The following ANKRD28 variants were observed in gnomAD, a reference collection of about 807,000 sequenced individuals.
The protein encoded by ANKRD28 is ankyrin repeat domain 28, also known as serine/threonine-protein phosphatase 6 regulatory ankyrin repeat subunit A.
In ANKRD28, 44 loss-of-function variants were observed where a neutral mutation model predicts 126.5. The ratio of observed to expected loss-of-function variants is 0.35; its 90% confidence interval spans 0.27 to 0.45. The LOEUF (loss-of-function observed/expected upper bound fraction) is 0.45, where lower values mean the gene tolerates loss of function less well. Ranked by LOEUF, ANKRD28 falls within the 20% of genes least tolerant of loss-of-function variation. The pLI is 1.00. For missense variants in ANKRD28, 1,110 were observed against 1,316.6 expected (o/e 0.84, Z 2.43); for synonymous variants, 442 against 468.5 (o/e 0.94, Z 0.73).
In ANKRD28 at chr3:15,758,316, A is replaced by G. The variant is rs553627544; in HGVS notation, c.281-6496T>C. Among the ~76,000 whole-genome samples the G allele has an allele frequency of 5.3e-5, 8 of 152,308 alleles. No individual in the cohort carries two copies. The South Asian group carries it at 1.7e-3, about 32-fold the overall frequency. ...GGCAAAAGGTTCAGATTCGGTTTTCAGGCTCAGAGTAGAATGAGCAAAAAC... is the reference window on the plus strand; with the variant it reads ...GGCAAAAGGTTCAGATTCGGTTTTCGGGCTCAGAGTAGAATGAGCAAAAAC... On this transcript the variant is annotated intron_variant, in intron 3 of 27. Coordinates refer to ENST00000683139, the MANE Select transcript of ANKRD28 (RefSeq NM_001349278.2).
chr3:15,855,336 AAAAAC>A (rs1186309583), intron 1 of ANKRD28, among the ~76,000 whole-genome samples: 2 of 152,202 alleles, frequency 1.3e-5, no homozygotes, highest in South Asian at 4.1e-4. Flanking sequence ...CCCTGTTTAA[AAAAAC>A]AAAACAAAAC....
At chr3:15,824,927 C>G (rs2061025904) in intron 1 of ANKRD28, among the ~76,000 whole-genome samples, 1 of 152,044 alleles carries the variant, frequency 6.6e-6, no homozygotes, top group South Asian at 2.1e-4. Context: ...CAATCACTAG[C>G]AAAATTTTCA....
chr3:15,676,051 A>G, intron 26 of ANKRD28, 62 bp from the exon 27 acceptor site: 1 of 1,354,358 alleles, frequency 7.4e-7, no homozygotes, highest in Non-Finnish European at 1.0e-6. Context: ...ACACATACAC[A>G]CCTGGCTGTC....
intron 8 of ANKRD28, among the ~76,000 whole-genome samples, chr3:15,718,865 T>G (rs570379028): frequency 1.0e-3 from 153 of 152,348 alleles, no homozygotes; most frequent in Non-Finnish European, 1.7e-3. Context: ...ATTTTTGAAA[T>G]AGCCTAACTT....
chr3:15,727,403 C>A (rs185283927), intron 6 of ANKRD28, among the ~76,000 whole-genome samples: 1 of 151,618 alleles, frequency 6.6e-6, no homozygotes, highest in East Asian at 1.9e-4. Flanking sequence ...CCTGTCTCTA[C>A]TAAAAGTACA....
Position 15,670,612 on chromosome 3 carries a change from G to T in ANKRD28, c.2966-56C>A, listed in dbSNP as rs866552188. 127 of 1,529,784 alleles carry T rather than the reference G, an allele frequency of 8.3e-5. No homozygotes were observed. The South Asian group carries it at 1.4e-3, about 17-fold the overall frequency. The allele number at this position is 1,529,784 out of a possible 1,614,324, so 94.8% of individuals were successfully genotyped here. On this transcript the variant is annotated intron_variant, in intron 27 of 27. Transcript: ENST00000683139. Reference sequence around the variant, plus strand: ...GCATCCTGAGATGTATTTCACCAAAGACAAGGAAATAAGCCTAAAGTACTT... The same window carrying T: ...GCATCCTGAGATGTATTTCACCAAATACAAGGAAATAAGCCTAAAGTACTT...
At chr3:15,758,970 G>A (rs1226241461) in intron 3 of ANKRD28, among the ~76,000 whole-genome samples, 2 of 152,146 alleles carry the variant, frequency 1.3e-5, no homozygotes, top group African/African-American at 4.8e-5. Flanking sequence ...ATACTTACTG[G>A]AGGCAGTCTA....
At chr3:15,779,485 G>C (rs1049490735) in intron 2 of ANKRD28, among the ~76,000 whole-genome samples, 3 of 152,166 alleles carry the variant, frequency 2.0e-5, no homozygotes, top group Admixed American at 2.0e-4. Flanking sequence ...AGAATTGAGA[G>C]GTGACATACC....
intron 1 of ANKRD28, among the ~76,000 whole-genome samples, chr3:15,836,572 C>T (rs1198717672): frequency 6.6e-6 from 1 of 152,114 alleles, no homozygotes; most frequent in Non-Finnish European, 1.5e-5. Context: ...TAATTGTATG[C>T]TGTCTACCTA....
At chr3:15,844,182 A>G (rs1054976533) in intron 1 of ANKRD28, among the ~76,000 whole-genome samples, 3 of 152,234 alleles carry the variant, frequency 2.0e-5, no homozygotes, top group Non-Finnish European at 4.4e-5. Flanking sequence ...GCAAAGAAGT[A>G]TCAATCAATA....
chr3:15,685,860 T>G (rs2068056219), intron 20 of ANKRD28, 142 bp downstream of exon 20: 2 of 688,504 alleles, frequency 2.9e-6, no homozygotes, highest in Non-Finnish European at 2.4e-6. Context: ...AAATTAGCAT[T>G]TAAAAACTAA....
rs2060347868 is a variant in ANKRD28 at position 15,797,865 on chromosome 3, T to G, written c.-1344A>C. 1 of 985,356 alleles carries G rather than the reference T, an allele frequency of 1.0e-6. No individual in the cohort carries two copies. Among genetic ancestry groups the G allele is most frequent in the Admixed American group, 6.2e-5 (1 of 16,260 alleles). The allele number at this position is 985,356 out of a possible 1,614,324, so 61.0% of individuals were successfully genotyped here. The stretch of plus-strand genomic sequence containing the variant: ...GTCCTTAAAAAATATCTATAGAACC[T>G]CAGTATCAGTCCCACAGAAGCATTC... On this transcript the variant is annotated 5_prime_UTR_variant, in exon 1 of 28. Transcript: ENST00000683139.
intron 4 of ANKRD28, among the ~76,000 whole-genome samples, chr3:15,746,964 G>C (rs1200744722): frequency 6.6e-6 from 1 of 152,060 alleles, no homozygotes; most frequent in East Asian, 1.9e-4. Flanking sequence ...ATCTCCTCTA[G>C]GTTTTCTAGT....
intron 18 of ANKRD28, among the ~76,000 whole-genome samples, chr3:15,687,332 GAT>G (rs113439164): frequency 5.3e-5 from 8 of 150,074 alleles, no homozygotes; most frequent in Admixed American, 6.7e-5. Context: ...AATTTCAAAT[GAT>G]ATATATATAT....
chr3:15,828,186 T>C (rs970531201), intron 1 of ANKRD28, among the ~76,000 whole-genome samples: 2 of 152,154 alleles, frequency 1.3e-5, no homozygotes, highest in African/African-American at 4.8e-5. Flanking sequence ...ATCTGATGAA[T>C]GGAGAATTAG....
At position 15,721,001 on chromosome 3, in the gene ANKRD28, T is replaced by C. The variant is rs1305241097; in HGVS notation, c.910A>G (p.Thr304Ala). Reference sequence around the variant, plus strand: ...GATGCAGCAGCAAAGTGCAAAGGAGTAAATCCTTTTTCATTCTTTTGATTC... The same window carrying C: ...GATGCAGCAGCAAAGTGCAAAGGAGCAAATCCTTTTTCATTCTTTTGATTC... ...IVNQKNEKGF[T>A]PLHFAAASTH... Residue 304 changes from threonine to alanine, a missense_variant, in exon 8 of 28, where the codon ACT (threonine) becomes GCT (alanine). Physicochemically the swap from Thr to Ala is moderately conservative, Grantham distance 58. Transcript: ENST00000683139. 8 of 1,613,586 alleles carry C rather than the reference T, an allele frequency of 5.0e-6. No individual in the cohort carries two copies. The highest frequency in any genetic ancestry group is 6.8e-6 in the Non-Finnish European group (8 of 1,179,808).
At chr3:15,753,678 A>C (rs1232010623) in intron 3 of ANKRD28, among the ~76,000 whole-genome samples, 1 of 152,100 alleles carries the variant, frequency 6.6e-6, no homozygotes, top group Non-Finnish European at 1.5e-5. Flanking sequence ...ACAGGGGCTC[A>C]TGACTGTAAT....
At chr3:15,781,321 G>A (rs2059531083) in intron 2 of ANKRD28, 2 of 152,182 alleles carry the variant, frequency 1.3e-5, no homozygotes, top group East Asian at 1.9e-4. Flanking sequence ...GTTTCTGGAG[G>A]AGACTGGCAT....
In ANKRD28 at chr3:15,817,095, G is replaced by A. The variant is rs1375101847; in HGVS notation, c.28-21789C>T. ...AAGCACACATCTGAATACTGTAAAG[G>A]CCCAGTCTTCCACAGAGTGAGCATC... On this transcript the variant is annotated intron_variant, in intron 1 of 27. Coordinates refer to the ANKRD28 transcript ENST00000399451. This position sits in a 1 kb window ranked among gnomAD's most constrained non-coding sequence, Gnocchi z 4.5. Among the ~76,000 whole-genome samples, 1 of 152,012 alleles carries A rather than the reference G, an allele frequency of 6.6e-6. No homozygotes were observed. Among genetic ancestry groups the A allele is most frequent in the Non-Finnish European group, 1.5e-5 (1 of 67,986 alleles).
Sources: gnomAD v4.1 joint callset for allele counts (sites outside exome capture counted in the v4.1 genomes callset) on GRCh38, gnomAD v4.1.1 for gene constraint, Gnocchi (gnomAD v3.1) non-coding constraint, MANE v1.5 for transcripts, NCBI Gene and HGNC (gene_info 2026-07-23, HGNC 2026-07-21) for gene names.